The following NAT10 variants were observed in gnomAD, a reference collection of about 807,000 sequenced individuals.
The protein encoded by NAT10 is N-acetyltransferase 10, also known as RNA cytidine acetyltransferase.
Under a neutral mutation model 132.2 loss-of-function variants are expected in NAT10, and 109 were observed. The ratio of observed to expected loss-of-function variants is 0.82; its 90% CI spans 0.71 to 0.97. NAT10 has a LOEUF of 0.97. Among genes scored for constraint, NAT10 ranks in the 50% least tolerant of loss-of-function variants. NAT10 has a pLI of 0.00. For synonymous variants in NAT10, 479 were observed against 478.0 expected, an observed-to-expected ratio of 1.00 and a Z score of -0.03; for missense variants, 1,184 against 1,263.4, an observed-to-expected ratio of 0.94 and a Z score of 0.95.
Position 34,108,310 on chromosome 11 carries a change from G to A in NAT10, c.85G>A (p.Val29Ile). The A allele has an allele frequency of 6.2e-7, 1 of 1,614,108 alleles. No homozygotes were observed. Among genetic ancestry groups the A allele is most frequent in the Non-Finnish European group, 8.5e-7 (1 of 1,179,954 alleles). ...AERQRSLFVV[V>I]GDRGKDQVVI... ...GCGGCAAAGATCTCTCTTTGTTGTA[G>A]TTGGGGATCGAGGAAAAGATCAGGT... is the stretch of plus-strand genomic sequence containing the variant. Residue 29 changes from valine (V) to isoleucine (I), a missense_variant, in exon 2 of 29, where the codon GTT becomes ATT. Val to Ile is a conservative substitution (Grantham distance 29, BLOSUM62 3). Transcript: ENST00000257829.
In NAT10 at chr11:34,112,072, G is replaced by A. The variant is rs558723919; in HGVS notation, c.221G>A (p.Arg74Gln). Residue 74 changes from arginine to glutamine, a missense_variant, in exon 4 of 29, where the codon CGA (arginine) becomes CAA (glutamine). Coordinates refer to ENST00000257829, the MANE Select transcript of NAT10 (RefSeq NM_024662.3). ...TGCAGTCACCGGAAGAAAAGAATGC[G>A]ACAGCTGCAGAAGAAAATAAAGAAT... is the stretch of plus-strand genomic sequence containing the variant. ...GFSSHRKKRM[R>Q]QLQKKIKNGT... 3.7e-6 allele frequency: 6 copies of A among 1,614,030 alleles called. No homozygotes were observed. The African/African-American group carries it at 5.3e-5, about 14-fold the overall frequency.
chr11:34,114,503 C>G (rs1851750935), intron 5 of NAT10, among the ~76,000 whole-genome samples: 1 of 152,160 alleles, frequency 6.6e-6, no homozygotes, highest in Non-Finnish European at 1.5e-5. Flanking sequence ...AATGGACTTT[C>G]CTCAAATCTT....
chr11:34,134,998 A>G (rs1367163216), intron 18 of NAT10, among the ~76,000 whole-genome samples, 177 bp from the exon 19 acceptor site: 1 of 152,148 alleles, frequency 6.6e-6, no homozygotes, highest in African/African-American at 2.4e-5. Flanking sequence ...GGGTCACACT[A>G]CTTTCAGTCT....
chr11:34,140,102 A>G (rs951683062), intron 23 of NAT10, among the ~76,000 whole-genome samples: 5 of 152,350 alleles, frequency 3.3e-5, no homozygotes, highest in South Asian at 4.1e-4. Context: ...CAAAGCAGGG[A>G]AAGAGTGTAG....
chr11:34,120,437 C>T (rs1851873269), intron 8 of NAT10, among the ~76,000 whole-genome samples: 1 of 152,214 alleles, frequency 6.6e-6, no homozygotes, highest in African/African-American at 2.4e-5. Context: ...TTCCATCTAC[C>T]TTGGCCTGTG....
chr11:34,129,991 A>C (rs1212139844), intron 12 of NAT10, among the ~76,000 whole-genome samples: 1 of 152,170 alleles, frequency 6.6e-6, no homozygotes, highest in Non-Finnish European at 1.5e-5. Flanking sequence ...TAAATAAATA[A>C]ATAGGATACT....
intron 25 of NAT10, 83 bp from the exon 26 acceptor site, chr11:34,141,636 A>G: frequency 1.7e-6 from 2 of 1,202,068 alleles, no homozygotes; most frequent in Non-Finnish European, 2.4e-6. Context: ...ACCTTTCTAT[A>G]AGACACCAAG....
At chr11:34,127,915 T>TA (rs1852027077) in intron 12 of NAT10, among the ~76,000 whole-genome samples, 2 of 152,270 alleles carry the variant, frequency 1.3e-5, no homozygotes, top group African/African-American at 4.8e-5. Flanking sequence ...CAATATCTTA[T>TA]ATCTTAGAAA....
chr11:34,131,794 T>G (rs566050565), intron 14 of NAT10, among the ~76,000 whole-genome samples: 17 of 151,206 alleles, frequency 1.1e-4, no homozygotes, highest in African/African-American at 4.1e-4. Flanking sequence ...CAAGTGATTC[T>G]CCTGCCTCAG....
At chr11:34,109,574 C>T (rs1199059615) in intron 3 of NAT10, among the ~76,000 whole-genome samples, 3 of 152,238 alleles carry the variant, frequency 2.0e-5, no homozygotes, top group Admixed American at 6.5e-5. Context: ...TCTGCCTCTT[C>T]TTCTACCAGT....
rs1308196003 is a variant in NAT10 at position 34,135,224 on chromosome 11, G to C, written c.1961G>C (p.Gly654Ala). The C allele has an allele frequency of 6.2e-7, 1 of 1,614,176 alleles. No individual in the cohort carries two copies. Among genetic ancestry groups the C allele is most frequent in the African/African-American group, 1.3e-5 (1 of 75,038 alleles). ...ALQLLQMYYE[G>A]RFPCLEEKVL... ...CAGCTGCTGCAGATGTACTATGAAG[G>C]CAGGTTTCCTTGTCTGGAGGAAAAG... The change falls in exon 19 of 29, where the codon GGC (glycine) becomes GCC (alanine). Residue 654 changes from glycine (G) to alanine (A), a missense_variant. By Grantham distance (60) the Gly-to-Ala change is moderately conservative (BLOSUM62 0). Transcript: ENST00000257829.
At chr11:34,137,454 A>G (rs975640871) in intron 21 of NAT10, among the ~76,000 whole-genome samples, 9 of 152,254 alleles carry the variant, frequency 5.9e-5, no homozygotes, top group Admixed American at 3.3e-4. Context: ...TGAGATGCCT[A>G]TTGGACATCC....
intron 16 of NAT10, 26 bp downstream of exon 16, chr11:34,133,168 G>T: frequency 1.3e-6 from 2 of 1,552,076 alleles, no homozygotes; most frequent in Non-Finnish European, 1.8e-6. Context: ...CGTCCTTGTG[G>T]CAGTGATTTG....
intron 5 of NAT10, among the ~76,000 whole-genome samples, 170 bp from the exon 6 acceptor site, chr11:34,115,653 G>T (rs1838945820): frequency 6.6e-6 from 1 of 152,240 alleles, no homozygotes; most frequent in Non-Finnish European, 1.5e-5. Context: ...GTTGCATTCA[G>T]TGTCTGATCC....
chr11:34,141,408 T>TCACACACACACACACACACACACACACA (rs59489457), intron 25 of NAT10, among the ~76,000 whole-genome samples, 200 bp downstream of exon 25: 2 of 132,962 alleles, frequency 1.5e-5, no homozygotes, highest in African/African-American at 5.7e-5. Context: ...TCATCACACA[T>TCACACACACACACACACACACACACACA]CACACACACA....
intron 17 of NAT10, 36 bp from the exon 18 acceptor site, chr11:34,134,476 G>T (rs1341843826): frequency 1.2e-6 from 2 of 1,613,974 alleles, no homozygotes; most frequent in Admixed American, 1.7e-5. Context: ...AAAGATGTCT[G>T]TGTTGCTAAG....
chr11:34,142,080 G>A lies in NAT10; in HGVS notation c.2812-195G>A, dbSNP rs74995914. The A allele has an allele frequency of 2.2e-3, 1,425 of 634,646 alleles. 19 individuals are homozygous for A. The highest frequency in any genetic ancestry group is 0.022 in the African/African-American group (1,220 of 54,506). 39.3% of individuals were successfully genotyped at this position (634,646 alleles called of 1,614,324 possible). A position where few individuals can be genotyped will look rare whatever the true frequency, so the allele number is the denominator to read the frequency against. On this transcript the variant is annotated intron_variant, in intron 26 of 28. Transcript: ENST00000257829. ...TGTTGGAAATGTTTTGTCTTTTTTG[G>A]TGACTTCTTAAATGCATAGTTTATA...
intron 1 of NAT10, among the ~76,000 whole-genome samples, chr11:34,106,745 T>G (rs977763134): frequency 1.3e-5 from 2 of 152,250 alleles, no homozygotes; most frequent in Admixed American, 6.5e-5. Context: ...GAATTCTTTA[T>G]ACTTTCTCCT....
intron 28 of NAT10, among the ~76,000 whole-genome samples, chr11:34,144,201 G>A (rs1197905010): frequency 1.3e-5 from 2 of 152,170 alleles, no homozygotes; most frequent in African/African-American, 2.4e-5. Context: ...TTGGGAGGCC[G>A]AGGTAGGAGG....
Sources: allele counts gnomAD v4.1 joint callset (sites outside exome capture counted in the v4.1 genomes callset), GRCh38; gene constraint gnomAD v4.1.1; transcripts MANE v1.5; gene names NCBI Gene and HGNC (gene_info 2026-07-23, HGNC 2026-07-21).